The following APBA2 variants were observed in gnomAD, a reference collection of about 807,000 sequenced individuals.
APBA2 encodes the protein amyloid-beta A4 precursor protein-binding family A member 2.
A neutral mutation model predicts 75.0 loss-of-function variants in APBA2; 30 were observed. The observed-to-expected ratio is 0.40, with a 90% CI of 0.30 to 0.54. The LOEUF (loss-of-function observed/expected upper bound fraction) is 0.54, where lower values mean the gene tolerates loss of function less well. Ranked by LOEUF, APBA2 falls within the 20% of genes least tolerant of loss-of-function variation. The pLI, the probability that APBA2 is intolerant of heterozygous loss-of-function variation, is 0.49. For missense variants in APBA2, 801 were observed against 1,016.1 expected (o/e 0.79, Z 2.88); for synonymous variants, 444 against 409.6 (o/e 1.08, Z -1.01).
At chr15:28,891,254 G>T (rs749857199) in intron 1 of APBA2, among the ~76,000 whole-genome samples, 5 of 152,198 alleles carry the variant, frequency 3.3e-5, no homozygotes, top group Admixed American at 2.6e-4. Context: ...CAACAAGGAG[G>T]CTGGGGACAG....
chr15:28,962,524 G>A (rs1378822375), intron 2 of APBA2, among the ~76,000 whole-genome samples: 1 of 151,886 alleles, frequency 6.6e-6, no homozygotes, highest in South Asian at 2.1e-4. Flanking sequence ...AGCAGAGATC[G>A]CGCCACTGCA....
At chr15:29,024,404 C>T (rs909436406) in intron 3 of APBA2, among the ~76,000 whole-genome samples, 3 of 152,204 alleles carry the variant, frequency 2.0e-5, no homozygotes, top group Non-Finnish European at 4.4e-5. Flanking sequence ...TCCTCTACAG[C>T]TGGTTTCTTT....
At chr15:29,065,356 T>C (rs1182962527) in intron 4 of APBA2, among the ~76,000 whole-genome samples, 5 of 152,160 alleles carry the variant, frequency 3.3e-5, no homozygotes, top group African/African-American at 4.8e-5. Flanking sequence ...AGATGCGTAA[T>C]GTCACCCATG....
chr15:29,043,513 G>A (rs2041155119), intron 3 of APBA2, among the ~76,000 whole-genome samples: 1 of 152,220 alleles, frequency 6.6e-6, no homozygotes, highest in South Asian at 2.1e-4. Flanking sequence ...ACTAGAGGAA[G>A]GAAATAGGTA....
chr15:29,106,469 G>A, intron 11 of APBA2, 138 bp from the exon 12 acceptor site: 2 of 991,620 alleles, frequency 2.0e-6, no homozygotes, highest in Admixed American at 2.1e-5. Context: ...GACCTCTCCT[G>A]GCTGAGATGA....
chr15:29,004,451 A>G (rs1482611977), intron 3 of APBA2, among the ~76,000 whole-genome samples: 1 of 152,156 alleles, frequency 6.6e-6, no homozygotes, highest in African/African-American at 2.4e-5. Flanking sequence ...GGCCATTTCC[A>G]CATTGGTGTA....
At chr15:28,930,889 G>A (rs1388099238) in intron 2 of APBA2, among the ~76,000 whole-genome samples, 1 of 152,212 alleles carries the variant, frequency 6.6e-6, no homozygotes, top group Admixed American at 6.5e-5. Context: ...GGCGGCCCCA[G>A]GCTGGCCCCA....
intron 3 of APBA2, among the ~76,000 whole-genome samples, chr15:29,045,177 G>C (rs1006619111): frequency 2.0e-5 from 3 of 149,900 alleles, no homozygotes; most frequent in Non-Finnish European, 3.0e-5. Context: ...TCCCAGGTTC[G>C]AGTGATTCTC....
At position 29,107,703 on chromosome 15, in the gene APBA2, G is replaced by A. The variant is rs1038562824; in HGVS notation, c.1918-567G>A. Among the ~76,000 whole-genome samples, 2 of 152,130 alleles carry A rather than the reference G, an allele frequency of 1.3e-5. 1 individual carries two copies. The highest frequency in any genetic ancestry group is 4.1e-4 in the South Asian group (2 of 4,828). ...CCCCTCCCAGGGCTGCAGCTCCCAG[G>A]TGGAGGCTTGGGTTCCTCCCTGTGC... On this transcript the variant is annotated intron_variant, in intron 12 of 14. Transcript: ENST00000683413.
At chr15:28,993,186 G>A (rs1182347491) in intron 2 of APBA2, among the ~76,000 whole-genome samples, 1 of 152,220 alleles carries the variant, frequency 6.6e-6, no homozygotes, top group Non-Finnish European at 1.5e-5. Flanking sequence ...ACGACTCAGA[G>A]TCAGCTGCCC....
At chr15:29,073,251 A>ACTTGGGGT (rs1241114046) in intron 4 of APBA2, among the ~76,000 whole-genome samples, 1 of 152,188 alleles carries the variant, frequency 6.6e-6, no homozygotes, top group Non-Finnish European at 1.5e-5. Context: ...CCAGCCCAAC[A>ACTTGGGGT]CTTGGGGTCT....
chr15:29,021,620 A>G (rs1566915265), intron 3 of APBA2, among the ~76,000 whole-genome samples: 3 of 152,134 alleles, frequency 2.0e-5, no homozygotes, highest in Admixed American at 6.5e-5. Context: ...CCTCCTGCCT[A>G]CTTTATTACG....
chr15:29,114,051 G>A (rs765600457), intron 14 of APBA2, 35 bp downstream of exon 14: 27 of 1,613,374 alleles, frequency 1.7e-5, no homozygotes, highest in Middle Eastern at 1.7e-4. Flanking sequence ...TCTGCATGCC[G>A]GTTCCCACGT....
chr15:29,004,817 T>C (rs1161286382), intron 3 of APBA2, among the ~76,000 whole-genome samples: 1 of 152,068 alleles, frequency 6.6e-6, no homozygotes, highest in Non-Finnish European at 1.5e-5. Flanking sequence ...GTAGCTGGGA[T>C]TATAGGCACA....
intron 3 of APBA2, among the ~76,000 whole-genome samples, chr15:29,017,199 A>G (rs2039705634): frequency 1.3e-5 from 2 of 151,916 alleles, no homozygotes; most frequent in African/African-American, 4.8e-5. Context: ...GGTCAGAACC[A>G]AGGCCAGATG....
At chr15:29,111,374 A>G (rs1332207202) in intron 13 of APBA2, among the ~76,000 whole-genome samples, 1 of 152,024 alleles carries the variant, frequency 6.6e-6, no homozygotes, top group East Asian at 1.9e-4. Context: ...CTCAGGATGC[A>G]GGGGAGATGC....
intron 13 of APBA2, 131 bp from the exon 14 acceptor site, chr15:29,113,745 T>C: frequency 8.8e-7 from 1 of 1,142,084 alleles, no homozygotes. Flanking sequence ...TGTCTGTGAG[T>C]CAGCGAATTG....
chr15:29,085,227 T>G (rs559070964), intron 6 of APBA2, among the ~76,000 whole-genome samples: 1 of 152,184 alleles, frequency 6.6e-6, no homozygotes, highest in East Asian at 1.9e-4. Context: ...TTTGAAAAAT[T>G]TAAAAATTAA....
Position 28,928,723 on chromosome 15 carries a change from A to T in APBA2, c.-95+6974A>T, listed in dbSNP as rs2034409507. ...AAGGCTCTGGATGCATTTCACCAGG[A>T]TGACGTTTGTCCTCCCTCTGCCAGA... On this transcript the variant is annotated intron_variant, in intron 2 of 14. Coordinates refer to ENST00000683413, the MANE Select transcript of APBA2 (RefSeq NM_001353788.2). Among the ~76,000 whole-genome samples, 8 of 152,250 alleles carry T rather than the reference A, an allele frequency of 5.3e-5. No individual in the cohort carries two copies. In the South Asian group the frequency reaches 1.2e-3, roughly 24 times the overall value.
Sources: allele counts gnomAD v4.1 joint callset (sites outside exome capture counted in the v4.1 genomes callset), GRCh38; gene constraint gnomAD v4.1.1; transcripts MANE v1.5; gene names NCBI Gene and HGNC (gene_info 2026-07-23, HGNC 2026-07-21).